CTNNA2: variants seen among roughly 807,000 people sequenced by gnomAD.
The protein encoded by CTNNA2 is catenin alpha-2.
In CTNNA2, 42 loss-of-function variants were observed where a neutral mutation model predicts 101.0. The ratio of observed to expected loss-of-function variants is 0.42; its 90% CI spans 0.32 to 0.54. CTNNA2 has a LOEUF of 0.54. Among genes scored for constraint, CTNNA2 ranks in the 20% least tolerant of loss-of-function variants. The pLI, the probability that CTNNA2 is intolerant of heterozygous loss-of-function variation, is 0.14. For missense variants in CTNNA2, 871 were observed against 1,223.1 expected, an observed-to-expected ratio of 0.71 and a Z score of 4.29; for synonymous variants, 450 against 456.4, an observed-to-expected ratio of 0.99 and a Z score of 0.18.
intron 9 of CTNNA2, among the ~76,000 whole-genome samples, chr2:80,512,931 T>C (rs2149555682): frequency 6.6e-6 from 1 of 152,288 alleles, no homozygotes; most frequent in South Asian, 2.1e-4. Flanking sequence ...TTTTGTCCCT[T>C]TGAAAATGAA....
intron 2 of CTNNA2, among the ~76,000 whole-genome samples, chr2:79,237,933 T>C (rs1035251210): frequency 1.3e-5 from 2 of 151,894 alleles, no homozygotes; most frequent in African/African-American, 4.8e-5. Context: ...ACAATAAGAC[T>C]GTTTCACTTT....
chr2:80,539,442 G>A (rs1245792576), intron 9 of CTNNA2, among the ~76,000 whole-genome samples: 2 of 150,284 alleles, frequency 1.3e-5, no homozygotes, highest in Admixed American at 6.6e-5. Context: ...TATTCATTGA[G>A]CATCTAGAAA....
At chr2:80,435,064 A>T (rs541652343) in intron 9 of CTNNA2, among the ~76,000 whole-genome samples, 1 of 152,242 alleles carries the variant, frequency 6.6e-6, no homozygotes, top group East Asian at 1.9e-4. Flanking sequence ...GTGTTATAGG[A>T]TGTTTAGTAG....
chr2:79,669,713 T>C (rs1343108163), intron 2 of CTNNA2, among the ~76,000 whole-genome samples: 1 of 152,184 alleles, frequency 6.6e-6, no homozygotes, highest in Non-Finnish European at 1.5e-5. Flanking sequence ...TCTGCAGCTC[T>C]CAGTGAAGAG....
intron 1 of CTNNA2, among the ~76,000 whole-genome samples, chr2:79,549,495 T>A (rs1236748118): frequency 2.0e-5 from 3 of 152,206 alleles, no homozygotes; most frequent in Non-Finnish European, 4.4e-5. Flanking sequence ...GAGAATTGGT[T>A]TAACCCTAGT....
chr2:80,208,347 GGATA>G (rs1707661707), intron 7 of CTNNA2, among the ~76,000 whole-genome samples: 1 of 152,206 alleles, frequency 6.6e-6, no homozygotes, highest in Non-Finnish European at 1.5e-5. Context: ...ATAGATGGGT[GGATA>G]GATAGATAGA....
intron 2 of CTNNA2, chr2:79,687,528 C>G: frequency 1.5e-6 from 1 of 686,772 alleles, no homozygotes; most frequent in Non-Finnish European, 2.7e-6. Flanking sequence ...TGGAATCCAC[C>G]AGAACTGAAT....
At chr2:79,380,061 T>C (rs1573137755) in intron 4 of CTNNA2, among the ~76,000 whole-genome samples, 1 of 152,188 alleles carries the variant, frequency 6.6e-6, no homozygotes, top group East Asian at 1.9e-4. Context: ...ATTGTACCAC[T>C]TTCTTCTGTC....
At chr2:80,531,090 T>C (rs1457927320) in intron 9 of CTNNA2, among the ~76,000 whole-genome samples, 1 of 152,106 alleles carries the variant, frequency 6.6e-6, no homozygotes, top group African/African-American at 2.4e-5. Context: ...GAGGGAGCTG[T>C]TAAGGGGAAT....
chr2:80,489,708 C>CA (rs1302735114), intron 9 of CTNNA2, among the ~76,000 whole-genome samples: 1 of 152,192 alleles, frequency 6.6e-6, no homozygotes, highest in Admixed American at 6.5e-5. Flanking sequence ...GCAGACACCA[C>CA]AGTTCTTCTT....
chr2:79,766,970 G>C (rs999968447), intron 3 of CTNNA2, among the ~76,000 whole-genome samples: 14 of 151,868 alleles, frequency 9.2e-5, no homozygotes, highest in Non-Finnish European at 1.5e-4. Context: ...TGGCCAGGCT[G>C]ATCTTGAACT....
intron 4 of CTNNA2, among the ~76,000 whole-genome samples, chr2:79,495,423 C>T (rs1252177474): frequency 6.6e-6 from 1 of 152,002 alleles, no homozygotes; most frequent in African/African-American, 2.4e-5. Flanking sequence ...AAGGAGATAC[C>T]AAATCACACC....
In CTNNA2 at chr2:79,466,247, G is replaced by A. The variant is rs1670933167; in HGVS notation, c.-134-38807G>A. On this transcript the variant is annotated intron_variant, in intron 4 of 21. Coordinates refer to the CTNNA2 transcript ENST00000466387. ...GGAGATTATATCCTGCACCTGGCTT[G>A]GAGGGTCCCATGCCCATGGAGACTC... Among the ~76,000 whole-genome samples the A allele has an allele frequency of 1.3e-5, 2 of 152,304 alleles. 1 individual carries two copies. Among genetic ancestry groups the A allele is most frequent in the South Asian group, 4.1e-4 (2 of 4,830 alleles).
intron 3 of CTNNA2, among the ~76,000 whole-genome samples, chr2:79,371,334 G>A (rs1677866820): frequency 6.6e-6 from 1 of 152,020 alleles, no homozygotes; most frequent in Admixed American, 6.6e-5. Flanking sequence ...GCAGGCAAAT[G>A]CACCGCAGGG....
intron 3 of CTNNA2, among the ~76,000 whole-genome samples, chr2:79,373,406 A>G (rs1023677666): frequency 3.9e-5 from 6 of 152,318 alleles, no homozygotes; most frequent in Middle Eastern, 3.4e-3. Flanking sequence ...CATACAGAAT[A>G]CTATTAAACG....
At chr2:79,848,505 T>C (rs922946089) in intron 3 of CTNNA2, among the ~76,000 whole-genome samples, 4 of 152,202 alleles carry the variant, frequency 2.6e-5, no homozygotes, top group Non-Finnish European at 2.9e-5. Context: ...TCATAATCTT[T>C]CTGGCTACAA....
intron 2 of CTNNA2, among the ~76,000 whole-genome samples, chr2:79,661,556 C>T (rs568840707): frequency 6.6e-6 from 1 of 152,204 alleles, no homozygotes; most frequent in Non-Finnish European, 1.5e-5. Context: ...CCTGGTTTCT[C>T]TTATTCCTCT....
At chr2:79,224,515 A>G (rs4853447) in intron 2 of CTNNA2, among the ~76,000 whole-genome samples, 34,689 of 152,100 alleles carry the variant, frequency 0.23, 4,916 homozygotes, top group African/African-American at 0.4. Flanking sequence ...ATAAATTTCA[A>G]TGTAAGTTGC....
Position 79,726,230 on chromosome 2 carries a change from A to G in CTNNA2, c.103-18157A>G, listed in dbSNP as rs74352355. Among the ~76,000 whole-genome samples, 615 of 152,316 alleles carry G rather than the reference A, an allele frequency of 4.0e-3. 5 individuals are homozygous for G. The highest frequency in any genetic ancestry group is 0.014 in the African/African-American group (589 of 41,558). On this transcript the variant is annotated intron_variant, in intron 2 of 18. Coordinates refer to ENST00000402739, the MANE Select transcript of CTNNA2 (RefSeq NM_001282597.3). ...TTTTGGTCCATCAGTCAATAGATAG[A>G]TAGAGATATGAATGTATGTGTATAT...
Sources: gnomAD v4.1 joint callset for allele counts (sites outside exome capture counted in the v4.1 genomes callset) on GRCh38, gnomAD v4.1.1 for gene constraint, MANE v1.5 for transcripts, NCBI Gene and HGNC (gene_info 2026-07-23, HGNC 2026-07-21) for gene names.